Variants in LUZP2 observed in about 807,000 individuals in gnomAD.
The protein encoded by LUZP2 is leucine zipper protein 2.
LUZP2 carries 52 observed loss-of-function variants against 51.6 expected under a neutral mutation model. The observed-to-expected ratio is 1.01, with a 90% CI of 0.81 to 1.27. The LOEUF (loss-of-function observed/expected upper bound fraction) is 1.27, where lower values mean the gene tolerates loss of function less well. Ranked by LOEUF, LUZP2 falls within the 50% of genes most tolerant of loss-of-function variation. LUZP2 has a pLI of 0.00. For synonymous variants in LUZP2, 154 were observed against 137.3 expected (o/e 1.12, Z -0.85); for missense variants, 436 against 395.4 (o/e 1.10, Z -0.87).
intron 5 of LUZP2, among the ~76,000 whole-genome samples, chr11:24,848,170 T>C (rs1486705): frequency 0.64 from 90,675 of 141,900 alleles, 28,171 homozygotes; most frequent in Middle Eastern, 0.73. Context: ...ATGATAGATA[T>C]GTTATTACTG....
intron 5 of LUZP2, among the ~76,000 whole-genome samples, chr11:24,789,593 T>C (rs1849349683): frequency 6.6e-6 from 1 of 152,168 alleles, no homozygotes; most frequent in African/African-American, 2.4e-5. Context: ...GCTACCTGTC[T>C]TAGTCTATTC....
intron 5 of LUZP2, among the ~76,000 whole-genome samples, chr11:24,834,178 T>C (rs1239235005): frequency 1.3e-5 from 2 of 152,136 alleles, no homozygotes; most frequent in African/African-American, 2.4e-5. Context: ...GCTGCACCTA[T>C]CAACCTGTCA....
intron 1 of LUZP2, among the ~76,000 whole-genome samples, chr11:24,699,623 T>C (rs921936032): frequency 2.0e-5 from 3 of 151,298 alleles, no homozygotes; most frequent in Non-Finnish European, 2.9e-5. Context: ...GATGGATATA[T>C]AGATATGGAG....
Position 25,077,656 on chromosome 11 carries a change from C to T in LUZP2, c.936+250C>T, listed in dbSNP as rs1190359566. 1.4e-4 allele frequency among the ~76,000 whole-genome samples: 21 copies of T among 151,668 alleles called. 1 individual carries two copies. The highest frequency in any genetic ancestry group is 7.9e-4 in the Admixed American group (12 of 15,192). ...CTGGGACTACAGGCGCCCACCACCA[C>T]GCCCAAATTTTTTGTATTTTTAGTA... On this transcript the variant is annotated intron_variant, in intron 11 of 11. Transcript: ENST00000336930.
chr11:24,754,209 C>T (rs34995611), intron 4 of LUZP2, among the ~76,000 whole-genome samples: 3,124 of 152,260 alleles, frequency 0.021, 46 homozygotes, highest in Non-Finnish European at 0.032. Flanking sequence ...GTTGCCCAGA[C>T]TGGTCTTGAA....
At chr11:24,617,930 T>G (rs779243411) in intron 1 of LUZP2, among the ~76,000 whole-genome samples, 1 of 152,190 alleles carries the variant, frequency 6.6e-6, no homozygotes, top group Non-Finnish European at 1.5e-5. Context: ...CTTGTCTTAT[T>G]TAAACCATCT....
intron 5 of LUZP2, among the ~76,000 whole-genome samples, chr11:24,840,697 G>A (rs138986558): frequency 9.2e-5 from 14 of 152,030 alleles, no homozygotes; most frequent in Non-Finnish European, 1.3e-4. Flanking sequence ...AAGTTAAGCC[G>A]ATAGGGTTAG....
intron 1 of LUZP2, among the ~76,000 whole-genome samples, chr11:24,721,999 A>G (rs1858288038): frequency 6.6e-6 from 1 of 152,194 alleles, no homozygotes; most frequent in African/African-American, 2.4e-5. Flanking sequence ...TATTGAAAAA[A>G]TTTATTTATA....
chr11:24,717,771 A>G (rs1858110509), intron 1 of LUZP2, among the ~76,000 whole-genome samples: 1 of 151,412 alleles, frequency 6.6e-6, no homozygotes, highest in African/African-American at 2.4e-5. Flanking sequence ...CCTCCATTAG[A>G]CCCAAGTGTC....
chr11:24,855,398 A>G (rs1851529261), intron 5 of LUZP2, among the ~76,000 whole-genome samples: 1 of 152,196 alleles, frequency 6.6e-6, no homozygotes, highest in Admixed American at 6.5e-5. Context: ...ATATCTAGGC[A>G]TATGTTTAAC....
intron 7 of LUZP2, among the ~76,000 whole-genome samples, chr11:24,947,263 T>G (rs989081045): frequency 6.6e-6 from 1 of 151,950 alleles, no homozygotes; most frequent in Non-Finnish European, 1.5e-5. Context: ...TAAGTGGAAG[T>G]GGATCATCAC....
intron 7 of LUZP2, among the ~76,000 whole-genome samples, chr11:24,917,927 G>A (rs1349305108): frequency 6.6e-6 from 1 of 152,126 alleles, no homozygotes; most frequent in African/African-American, 2.4e-5. Context: ...ACCTTGGGCA[G>A]TATGGCCATT....
chr11:24,972,367 A>T (rs1177389234), intron 7 of LUZP2, among the ~76,000 whole-genome samples: 1 of 152,052 alleles, frequency 6.6e-6, no homozygotes, highest in Non-Finnish European at 1.5e-5. Context: ...TTTTACAGAT[A>T]TTGACTAATT....
At chr11:24,537,407 AGC>A (rs1851211167) in intron 1 of LUZP2, among the ~76,000 whole-genome samples, 2 of 151,996 alleles carry the variant, frequency 1.3e-5, no homozygotes, top group African/African-American at 4.8e-5. Flanking sequence ...GACATACACA[AGC>A]CTACTGATCT....
intron 9 of LUZP2, among the ~76,000 whole-genome samples, chr11:25,000,332 C>T (rs1856646564): frequency 6.6e-6 from 1 of 152,182 alleles, no homozygotes; most frequent in Non-Finnish European, 1.5e-5. Context: ...GGGAATTTGG[C>T]TGATGACTGC....
At chr11:25,023,309 T>G (rs1264763344) in intron 9 of LUZP2, among the ~76,000 whole-genome samples, 1 of 152,074 alleles carries the variant, frequency 6.6e-6, no homozygotes, top group Non-Finnish European at 1.5e-5. Flanking sequence ...ATTAATAGCC[T>G]CAATTTCACA....
chr11:25,030,534 A>T (rs1051976177), intron 9 of LUZP2, among the ~76,000 whole-genome samples: 3 of 151,960 alleles, frequency 2.0e-5, no homozygotes, highest in Non-Finnish European at 4.4e-5. Context: ...AAATTTATTT[A>T]TATAAATATT....
rs1191177399 is a variant in LUZP2, at chr11:24,891,805, G to A, written c.397-14186G>A. 4.0e-5 allele frequency: 39 copies of A among 974,540 alleles called. No individual in the cohort carries two copies. In the East Asian group the frequency reaches 2.2e-3, roughly 54 times the overall value. The allele number at this position is 974,540 out of a possible 1,614,324, so 60.4% of individuals were successfully genotyped here. A position where few individuals can be genotyped will look rare whatever the true frequency, so the allele number is the denominator to read the frequency against. On this transcript the variant is annotated intron_variant, in intron 5 of 11. Coordinates refer to ENST00000336930, the MANE Select transcript of LUZP2 (RefSeq NM_001009909.4). ...ATACAAAGAGAGAACAGAGAAACAA[G>A]GCAACAAATTGGGATACGCTGCAAC...
chr11:24,981,037 C>A (rs1284589144), intron 8 of LUZP2, among the ~76,000 whole-genome samples: 1 of 151,876 alleles, frequency 6.6e-6, no homozygotes, highest in Non-Finnish European at 1.5e-5. Context: ...CATCATATTT[C>A]ATTAGGTGAC....
Sources: gnomAD v4.1 joint callset for allele counts (sites outside exome capture counted in the v4.1 genomes callset) on GRCh38, gnomAD v4.1.1 for gene constraint, MANE v1.5 for transcripts, NCBI Gene and HGNC (gene_info 2026-07-23, HGNC 2026-07-21) for gene names.